Variants in TRIM49C observed in about 807,000 individuals in gnomAD.
The protein encoded by TRIM49C is tripartite motif containing 49C, also known as tripartite motif-containing protein 49C.
TRIM49C carries 6 observed loss-of-function variants against 21.4 expected under a neutral mutation model. The observed-to-expected ratio is 0.28, with a 90% confidence interval of 0.15 to 0.55. TRIM49C has a LOEUF of 0.55. TRIM49C is among the 20% of genes least tolerant of loss of function. The pLI, the probability that TRIM49C is intolerant of heterozygous loss-of-function variation, is 0.94. For synonymous variants in TRIM49C, 57 were observed against 148.1 expected (o/e 0.38, Z 4.47); for missense variants, 161 against 442.4 (o/e 0.36, Z 5.71).
the TRIM49C span, among the ~76,000 whole-genome samples, chr11:90,070,902 T>C: frequency 5.7e-5 from 8 of 140,850 alleles, no homozygotes; most frequent in African/African-American, 1.8e-4. Flanking sequence ...CAAGCTATTC[T>C]CCTGCCTCAT....
intron 4 of TRIM49C, among the ~76,000 whole-genome samples, chr11:90,036,843 T>C (rs1950731223): frequency 7.3e-6 from 1 of 137,536 alleles, no homozygotes. Flanking sequence ...TTGAGTGTGG[T>C]AGGTTTTTGT....
chr11:90,073,454 G>A, the TRIM49C span: 2 of 429,010 alleles, frequency 4.7e-6, no homozygotes, highest in Non-Finnish European at 8.0e-6. Flanking sequence ...CTTCACTGTT[G>A]ATACAAAGAA....
At chr11:90,031,755 G>T (rs1341756611) in intron 1 of TRIM49C, among the ~76,000 whole-genome samples, 1 of 149,878 alleles carries the variant, frequency 6.7e-6, no homozygotes, top group African/African-American at 2.4e-5. Context: ...ATTTCTCTTA[G>T]AGTGGTAGAA....
chr11:90,071,872 C>A, the TRIM49C span: 15 of 604,492 alleles, frequency 2.5e-5, no homozygotes, highest in Middle Eastern at 1.0e-3. Context: ...CCCAGTGTAA[C>A]GATTTTTCAT....
the TRIM49C span, chr11:90,062,497 T>A: frequency 3.3e-5 from 36 of 1,097,906 alleles, 3 homozygotes; most frequent in Non-Finnish European, 4.3e-5. Context: ...ACCACCTCCA[T>A]CATCTGCATT....
At chr11:90,071,957 T>C in the TRIM49C span, among the ~76,000 whole-genome samples, 2 of 141,186 alleles carry the variant, frequency 1.4e-5, 1 homozygote, top group African/African-American at 5.1e-5. Flanking sequence ...CAAAACTAAA[T>C]AAAAGATGGT....
the TRIM49C span, among the ~76,000 whole-genome samples, chr11:90,064,568 T>TG: frequency 7.2e-6 from 1 of 139,320 alleles, no homozygotes; most frequent in African/African-American, 2.6e-5. Context: ...TTTCTTTCTA[T>TG]CTTTTTTTTT....
In TRIM49C at chr11:90,035,481, G is replaced by A; in HGVS notation, c.270G>A (p.Glu90=). The A allele has an allele frequency of 2.7e-6, 4 of 1,481,698 alleles. No homozygotes were observed. The highest frequency in any genetic ancestry group is 3.6e-6 in the Non-Finnish European group (4 of 1,104,456). 91.8% of individuals were successfully genotyped at this position (1,481,698 alleles called of 1,614,324 possible). A position where few individuals can be genotyped will look rare whatever the true frequency, so the allele number is the denominator to read the frequency against. Residue 90 remains glutamate, a synonymous_variant, in exon 3 of 8, where the codon GAG becomes GAA. Transcript: ENST00000448984. ...VSLWLFLSSE[E]QMCGTHRETK... The stretch of plus-strand genomic sequence containing the variant: ...TCTGGCTATTCCTGAGCTCTGAGGA[G>A]CAAATGTGTGGCACTCACAGGGAGA...
chr11:90,052,147 G>A, the TRIM49C span: 97,622 of 399,188 alleles, frequency 0.24, 11,749 homozygotes, highest in African/African-American at 0.4. Flanking sequence ...CCAGGACCCC[G>A]GCAGCGGGGC....
At chr11:90,070,530 A>C in the TRIM49C span, among the ~76,000 whole-genome samples, 10 of 135,402 alleles carry the variant, frequency 7.4e-5, 1 homozygote, top group Non-Finnish European at 1.4e-4. Flanking sequence ...GAAGATCTAG[A>C]GCTACTGGTA....
chr11:90,040,956 A>G, intron 7 of TRIM49C, 95 bp from the exon 8 acceptor site: 1 of 1,450,864 alleles, frequency 6.9e-7, no homozygotes, highest in East Asian at 2.5e-5. Flanking sequence ...TTATGACTTT[A>G]CATTTGCTGG....
the TRIM49C span, among the ~76,000 whole-genome samples, chr11:90,056,134 G>A: frequency 7.4e-6 from 1 of 135,046 alleles, no homozygotes; most frequent in African/African-American, 2.6e-5. Context: ...AATTTTTTTT[G>A]TATTTTTAGT....
Position 90,038,686 on chromosome 11 carries a change from T to A in TRIM49C, c.739-7T>A, listed in dbSNP as rs1451586171. Reference sequence around the variant, plus strand: ...CACTAAATCTTTCTTCTTTTTTTTTTTTTCAGGCTTTTGGAGACATATTAC... The same window carrying A: ...CACTAAATCTTTCTTCTTTTTTTTTATTTCAGGCTTTTGGAGACATATTAC... On this transcript the variant is annotated splice_polypyrimidine_tract_variant and splice_region_variant and intron_variant, in intron 5 of 7. Transcript: ENST00000448984. The A allele has an allele frequency of 2.7e-6, 3 of 1,108,740 alleles. No individual in the cohort carries two copies. In the African/African-American group the frequency reaches 5.3e-5, roughly 19 times the overall value. 68.7% of individuals were successfully genotyped at this position (1,108,740 alleles called of 1,614,324 possible). A position where few individuals can be genotyped will look rare whatever the true frequency, so the allele number is the denominator to read the frequency against.
chr11:90,070,790 C>CT, the TRIM49C span, among the ~76,000 whole-genome samples: 2 of 141,686 alleles, frequency 1.4e-5, no homozygotes, highest in African/African-American at 2.5e-5. Flanking sequence ...TTGTTTGTTT[C>CT]TTTGATTCTT....
chr11:90,033,957 C>CAA (rs59914042), intron 2 of TRIM49C, among the ~76,000 whole-genome samples: 4 of 116,682 alleles, frequency 3.4e-5, no homozygotes, highest in Non-Finnish European at 7.0e-5. Flanking sequence ...AAAAAAAAAA[C>CAA]AAAAAAAAAA....
downstream of TRIM49C, among the ~76,000 whole-genome samples, chr11:90,042,368 T>C (rs1950776648): frequency 1.5e-5 from 2 of 132,634 alleles, 1 homozygote; most frequent in Non-Finnish European, 3.2e-5. Context: ...AAACCAGTAG[T>C]GGAGAAAGAT....
intron 6 of TRIM49C, among the ~76,000 whole-genome samples, chr11:90,038,992 T>G (rs1434497454): frequency 1.4e-5 from 2 of 138,304 alleles, no homozygotes; most frequent in Non-Finnish European, 3.1e-5. Flanking sequence ...CCATCTCGGC[T>G]CACTGCAAGC....
At chr11:90,048,733 A>G in the TRIM49C span, among the ~76,000 whole-genome samples, 4 of 125,264 alleles carry the variant, frequency 3.2e-5, 1 homozygote, top group Non-Finnish European at 6.6e-5. Context: ...AGCTTGGAGA[A>G]GTTTGATTGT....
In TRIM49C at chr11:90,041,350, A is replaced by G. The variant is rs751881529; in HGVS notation, c.1159A>G (p.Ile387Val). 25 of 1,589,780 alleles carry G rather than the reference A, an allele frequency of 1.6e-5. 1 individual carries two copies. Among genetic ancestry groups the G allele is most frequent in the Non-Finnish European group, 1.6e-5 (19 of 1,164,956 alleles). The change falls in exon 8 of 8, where the codon ATT becomes GTT. Residue 387 changes from isoleucine to valine, a missense_variant. Transcript: ENST00000448984. ...LFLLGCIKND[I>V]QCSLFTTSPL... ...TCTTCTTGGGTGTATTAAGAATGAC[A>G]TTCAATGCAGTCTCTTTACCACCTC...
Sources: allele counts gnomAD v4.1 joint callset (sites outside exome capture counted in the v4.1 genomes callset), GRCh38; gene constraint gnomAD v4.1.1; transcripts MANE v1.5; gene names NCBI Gene and HGNC (gene_info 2026-07-23, HGNC 2026-07-21).